CCDC181: variants seen among roughly 807,000 people sequenced by gnomAD.
The protein encoded by CCDC181 is coiled-coil domain-containing protein 181.
Under a neutral mutation model 58.7 loss-of-function variants are expected in CCDC181, and 35 were observed. The observed-to-expected ratio is 0.60, with a 90% confidence interval of 0.46 to 0.79. CCDC181 has a LOEUF of 0.79. Among genes scored for constraint, CCDC181 ranks in the 30% least tolerant of loss-of-function variants. CCDC181 has a pLI of 0.00. For missense variants in CCDC181, 517 were observed against 583.9 expected, an observed-to-expected ratio of 0.89 and a Z score of 1.18; for synonymous variants, 183 against 197.5, an observed-to-expected ratio of 0.93 and a Z score of 0.62.
intron 2 of CCDC181, among the ~76,000 whole-genome samples, chr1:169,453,895 A>C (rs1197874544): frequency 6.6e-6 from 1 of 151,988 alleles, no homozygotes; most frequent in East Asian, 1.9e-4. Flanking sequence ...CAGTTAAATG[A>C]ATTTTGAAAT....
intron 2 of CCDC181, among the ~76,000 whole-genome samples, chr1:169,434,908 A>G (rs554143215): frequency 1.5e-4 from 23 of 152,232 alleles, no homozygotes; most frequent in African/African-American, 5.3e-4. Flanking sequence ...TTAGAGACAG[A>G]AAGTAGAATC....
intron 2 of CCDC181, among the ~76,000 whole-genome samples, chr1:169,449,477 C>CTCACACAATCACAAGGTGAAG (rs1466528085): frequency 1.3e-5 from 2 of 152,196 alleles, no homozygotes; most frequent in African/African-American, 2.4e-5. Context: ...AGAGTCTTGG[C>CTCACACAATCACAAGGTGAAG]TCACACAATC....
At chr1:169,455,852 C>T (rs1278140131) in intron 2 of CCDC181, among the ~76,000 whole-genome samples, 1 of 152,154 alleles carries the variant, frequency 6.6e-6, no homozygotes, top group Non-Finnish European at 1.5e-5. Flanking sequence ...ACACACACAA[C>T]TTCCTTCTAA....
chr1:169,424,535 A>G (rs566751490), intron 2 of CCDC181, among the ~76,000 whole-genome samples: 9 of 151,782 alleles, frequency 5.9e-5, no homozygotes, highest in African/African-American at 1.9e-4. Flanking sequence ...CTATTTATTT[A>G]TATTATTTAA....
chr1:169,402,739 C>T (rs1655420626), intron 4 of CCDC181, among the ~76,000 whole-genome samples: 1 of 152,186 alleles, frequency 6.6e-6, no homozygotes, highest in South Asian at 2.1e-4. Flanking sequence ...TAGGAAGAAA[C>T]TGCATCAACT....
At chr1:169,431,349 A>G (rs1323163107), upstream of CCDC181, among the ~76,000 whole-genome samples, 6 of 149,242 alleles carry the variant, frequency 4.0e-5, no homozygotes, top group Non-Finnish European at 1.5e-5. Context: ...GGGATATAGC[A>G]GCATGATTGG....
intron 4 of CCDC181, among the ~76,000 whole-genome samples, chr1:169,408,083 T>A (rs1329468810): frequency 6.6e-6 from 1 of 152,116 alleles, no homozygotes; most frequent in Non-Finnish European, 1.5e-5. Context: ...TTCACTCCCC[T>A]GGAAAGGGGG....
At position 169,397,210 on chromosome 1, in the gene CCDC181, G is replaced by C. The variant is rs757021946; in HGVS notation, c.1370+27C>G. On this transcript the variant is annotated intron_variant, in intron 5 of 5. Transcript: ENST00000367806. The stretch of plus-strand genomic sequence containing the variant: ...TAAAATGAACATGAGGAAGGAGGAG[G>C]GGGGAAATGCCCTGCCTTTAACTTA... The C allele has an allele frequency of 6.0e-6, 9 of 1,498,910 alleles. No individual in the cohort carries two copies. In the South Asian group the frequency reaches 1.3e-4, roughly 21 times the overall value. 92.9% of individuals were successfully genotyped at this position (1,498,910 alleles called of 1,614,324 possible). A position where few individuals can be genotyped will look rare whatever the true frequency, so the allele number is the denominator to read the frequency against.
At chr1:169,450,818 T>C (rs146728376) in intron 2 of CCDC181, among the ~76,000 whole-genome samples, 52 of 152,316 alleles carry the variant, frequency 3.4e-4, no homozygotes, top group African/African-American at 1.1e-3. Context: ...TTCTGCTTTT[T>C]TTGTTACAAC....
chr1:169,410,497 A>G (rs1655906691), intron 4 of CCDC181, among the ~76,000 whole-genome samples: 1 of 152,214 alleles, frequency 6.6e-6, no homozygotes, highest in African/African-American at 2.4e-5. Context: ...ACAGAAAATT[A>G]ACAAGGATAT....
chr1:169,445,708 A>G (rs1657354552), intron 2 of CCDC181, among the ~76,000 whole-genome samples: 2 of 152,316 alleles, frequency 1.3e-5, no homozygotes, highest in African/African-American at 2.4e-5. Context: ...GAGAATTGGT[A>G]TCATTTCTTG....
Position 169,421,524 on chromosome 1 carries a change from T to G in CCDC181, c.907A>C (p.Ser303Arg). 1 of 1,614,168 alleles carries G rather than the reference T, an allele frequency of 6.2e-7. No individual in the cohort carries two copies. Among genetic ancestry groups the G allele is most frequent in the Non-Finnish European group, 8.5e-7 (1 of 1,180,024 alleles). The change falls in exon 3 of 6, where the codon AGC becomes CGC. Residue 303 changes from serine (S) to arginine (R), a missense_variant. Physicochemically the swap from Ser to Arg is moderately radical, Grantham distance 110. Transcript: ENST00000367806. ...CTTCGATCTGAGTTGACAGCAGAGCTTGGACAAGTCTTGCGGTTGAGTGGT... is the reference window on the plus strand; with the variant it reads ...CTTCGATCTGAGTTGACAGCAGAGCGTGGACAAGTCTTGCGGTTGAGTGGT... Reference protein sequence around the residue: ...QPPLNRKTCPSSAVNSDRSKG... With the variant: ...QPPLNRKTCPRSAVNSDRSKG...
chr1:169,445,329 G>T (rs1035134348), intron 2 of CCDC181, among the ~76,000 whole-genome samples: 3 of 152,140 alleles, frequency 2.0e-5, no homozygotes, highest in Non-Finnish European at 4.4e-5. Flanking sequence ...TTCCTCGTTT[G>T]CTGAGAGATT....
At chr1:169,423,455 C>G (rs1656578019) in intron 2 of CCDC181, among the ~76,000 whole-genome samples, 1 of 151,656 alleles carries the variant, frequency 6.6e-6, no homozygotes, top group East Asian at 1.9e-4. Flanking sequence ...TTTGAAAACC[C>G]ACTTTTTACA....
chr1:169,400,129 G>A (rs1325516008), intron 4 of CCDC181, among the ~76,000 whole-genome samples: 1 of 152,154 alleles, frequency 6.6e-6, no homozygotes, highest in Non-Finnish European at 1.5e-5. Flanking sequence ...TAGTTTTGGA[G>A]ACATTGGAGT....
intron 4 of CCDC181, among the ~76,000 whole-genome samples, chr1:169,414,019 T>TAA (rs35602422): frequency 3.3e-5 from 5 of 151,574 alleles, no homozygotes; most frequent in South Asian, 2.1e-4. Context: ...AAAATATAAT[T>TAA]AAAAAAAATA....
chr1:169,423,105 C>G (rs546283219), intron 2 of CCDC181, among the ~76,000 whole-genome samples: 2 of 149,698 alleles, frequency 1.3e-5, no homozygotes, highest in South Asian at 4.2e-4. Flanking sequence ...AGTTCTCTCC[C>G]TCCTAAAGCA....
At chr1:169,402,486 AGT>A (rs1655407799) in intron 4 of CCDC181, among the ~76,000 whole-genome samples, 2 of 152,204 alleles carry the variant, frequency 1.3e-5, no homozygotes, top group Admixed American at 1.3e-4. Context: ...GCCAGAAGAG[AGT>A]GGGGGCCAAT....
At chr1:169,425,993 G>T (rs1018626146) in intron 1 of CCDC181, among the ~76,000 whole-genome samples, 1 of 151,870 alleles carries the variant, frequency 6.6e-6, no homozygotes, top group Non-Finnish European at 1.5e-5. Context: ...TATAATAAAA[G>T]CACAGTAATT....
Sources: allele counts gnomAD v4.1 joint callset (sites outside exome capture counted in the v4.1 genomes callset), GRCh38; gene constraint gnomAD v4.1.1; transcripts MANE v1.5; gene names NCBI Gene and HGNC (gene_info 2026-07-23, HGNC 2026-07-21).